The following SCG5 variants were observed in gnomAD, a reference collection of about 807,000 sequenced individuals.
SCG5 encodes the protein neuroendocrine protein 7B2.
Under a neutral mutation model 25.7 loss-of-function variants are expected in SCG5, and 18 were observed. The ratio of observed to expected loss-of-function variants is 0.70; its 90% CI spans 0.48 to 1.04. SCG5 has a LOEUF of 1.04. Among genes scored for constraint, SCG5 ranks in the 50% least tolerant of loss-of-function variants. SCG5 has a pLI of 0.00. For synonymous variants in SCG5, 101 were observed against 91.7 expected, an observed-to-expected ratio of 1.10 and a Z score of -0.58; for missense variants, 206 against 259.8, an observed-to-expected ratio of 0.79 and a Z score of 1.42.
Position 32,686,247 on chromosome 15 carries a change from T to C in SCG5, c.489+1578T>C, listed in dbSNP as rs140846383. On this transcript the variant is annotated intron_variant, in intron 4 of 5. Transcript: ENST00000300175. ...GTTGAATTAAATAGAAAAACATCTA[T>C]AGGTTCTCGAATAGGAGACTGAAAT... 2.0e-3 allele frequency among the ~76,000 whole-genome samples: 303 copies of C among 152,314 alleles called. 1 individual carries two copies. The highest frequency in any genetic ancestry group is 6.7e-3 in the African/African-American group (277 of 41,562).
At chr15:32,693,246 T>A (rs1490082639) in intron 5 of SCG5, among the ~76,000 whole-genome samples, 1 of 152,226 alleles carries the variant, frequency 6.6e-6, no homozygotes, top group Non-Finnish European at 1.5e-5. Flanking sequence ...ACTCAGTGAA[T>A]GACCATGGTC....
intron 4 of SCG5, 106 bp downstream of exon 4, chr15:32,684,775 G>C (rs2054675605): frequency 1.4e-6 from 1 of 702,314 alleles, no homozygotes; most frequent in Non-Finnish European, 2.4e-6. Context: ...AAATTATTTA[G>C]AAGCTAATTT....
chr15:32,691,916 A>G, intron 5 of SCG5, 153 bp downstream of exon 5: 3 of 1,476,654 alleles, frequency 2.0e-6, no homozygotes, highest in African/African-American at 1.4e-5. Context: ...GGCCACACCC[A>G]GAAAGTCTGT....
chr15:32,677,858 A>G (rs762920186), intron 2 of SCG5: 15 of 152,222 alleles, frequency 9.9e-5, no homozygotes, highest in African/African-American at 2.9e-4. Context: ...ATTAACATAC[A>G]TTGGTATGTT....
chr15:32,655,030 C>T (rs112969794), intron 2 of SCG5, among the ~76,000 whole-genome samples: 2,540 of 152,182 alleles, frequency 0.017, 65 homozygotes, highest in East Asian at 0.1. Context: ...TGGAGATTGC[C>T]GGGCATGGTA....
At chr15:32,692,270 T>C (rs2054873133) in intron 5 of SCG5, 1 of 986,688 alleles carries the variant, frequency 1.0e-6, no homozygotes, top group African/African-American at 1.7e-5. Flanking sequence ...TTTCTTGGCC[T>C]AGCCAGACTG....
At chr15:32,662,067 T>C (rs576851243) in intron 2 of SCG5, among the ~76,000 whole-genome samples, 2 of 152,386 alleles carry the variant, frequency 1.3e-5, no homozygotes, top group Admixed American at 1.3e-4. Flanking sequence ...TCCTATTATA[T>C]GTTTATGCCT....
At chr15:32,677,216 G>T (rs1386775792) in intron 2 of SCG5, among the ~76,000 whole-genome samples, 4 of 152,144 alleles carry the variant, frequency 2.6e-5, no homozygotes, top group Admixed American at 2.6e-4. Context: ...ACAAAGCAAT[G>T]AAATATAATA....
Position 32,696,395 on chromosome 15 carries a change from G to A in SCG5, c.544-119G>A, listed in dbSNP as rs3825861. Reference sequence around the variant, plus strand: ...GCCTCCCAAAGTGCTGGGATTACAGGCGTGAGCCACCGCGCCCGGCCCCAG... The same window carrying A: ...GCCTCCCAAAGTGCTGGGATTACAGACGTGAGCCACCGCGCCCGGCCCCAG... On this transcript the variant is annotated intron_variant, in intron 5 of 5. Transcript: ENST00000300175. 306,382 of 664,508 alleles carry A rather than the reference G, an allele frequency of 0.46. 72,699 individuals are homozygous for A. Among genetic ancestry groups the A allele is most frequent in the Admixed American group, 0.53 (23,894 of 44,782 alleles). The allele number at this position is 664,508 out of a possible 1,614,324, so 41.2% of individuals were successfully genotyped here.
chr15:32,673,685 G>A (rs1008208055), intron 2 of SCG5, among the ~76,000 whole-genome samples: 1 of 151,924 alleles, frequency 6.6e-6, no homozygotes, highest in Non-Finnish European at 1.5e-5. Flanking sequence ...GGAGTGAGGT[G>A]ACAAAGAACA....
chr15:32,678,045 CTGTT>C (rs1270494663), intron 2 of SCG5, among the ~76,000 whole-genome samples: 1 of 152,158 alleles, frequency 6.6e-6, no homozygotes, highest in East Asian at 1.9e-4. Context: ...AATTGATTAA[CTGTT>C]TGACATACAC....
At chr15:32,680,057 G>A in intron 3 of SCG5, 142 bp downstream of exon 3, 1 of 755,914 alleles carries the variant, frequency 1.3e-6, no homozygotes. Flanking sequence ...AGATGGGAAG[G>A]GGAAATTTAT....
At chr15:32,666,754 C>T (rs7162449) in intron 2 of SCG5, among the ~76,000 whole-genome samples, 10,206 of 152,284 alleles carry the variant, frequency 0.067, 1,026 homozygotes, top group African/African-American at 0.22. Context: ...ATTTTATCCT[C>T]ATACCAACGG....
At chr15:32,650,405 A>C (rs1338139310) in intron 2 of SCG5, among the ~76,000 whole-genome samples, 1 of 152,078 alleles carries the variant, frequency 6.6e-6, no homozygotes, top group Admixed American at 6.6e-5. Context: ...CCGGCGCCCC[A>C]GTCTTATTTT....
chr15:32,658,069 G>C (rs551729788), intron 2 of SCG5, among the ~76,000 whole-genome samples: 9 of 152,174 alleles, frequency 5.9e-5, no homozygotes, highest in Non-Finnish European at 1.3e-4. Flanking sequence ...ACACAACAAA[G>C]ATTAGGAGTA....
intron 1 of SCG5, among the ~76,000 whole-genome samples, chr15:32,642,682 T>G (rs1477152884): frequency 6.6e-6 from 1 of 151,950 alleles, no homozygotes; most frequent in Non-Finnish European, 1.5e-5. Flanking sequence ...TCACTTGTTT[T>G]GCAGACATAC....
intron 2 of SCG5, among the ~76,000 whole-genome samples, chr15:32,664,087 G>A (rs2054282019): frequency 6.6e-6 from 1 of 152,206 alleles, no homozygotes; most frequent in Non-Finnish European, 1.5e-5. Flanking sequence ...TGAGCACCCA[G>A]TGAGAGTGGC....
At chr15:32,685,852 C>T (rs918752661) in intron 4 of SCG5, among the ~76,000 whole-genome samples, 2 of 152,168 alleles carry the variant, frequency 1.3e-5, no homozygotes, top group East Asian at 1.9e-4. Flanking sequence ...ATTCCAACTC[C>T]CTCAGCCCTT....
intron 2 of SCG5, among the ~76,000 whole-genome samples, chr15:32,662,234 G>C (rs1472431515): frequency 6.6e-6 from 1 of 152,188 alleles, no homozygotes; most frequent in Non-Finnish European, 1.5e-5. Flanking sequence ...AAGAATAATT[G>C]GGTCAAGCTC....
Sources: allele counts gnomAD v4.1 joint callset (sites outside exome capture counted in the v4.1 genomes callset), GRCh38; gene constraint gnomAD v4.1.1; transcripts MANE v1.5; gene names NCBI Gene and HGNC (gene_info 2026-07-23, HGNC 2026-07-21).